The following ACYP2 variants were observed in gnomAD, a reference collection of about 807,000 sequenced individuals.
ACYP2 encodes acylphosphatase 2, also known as acylphosphatase-2.
Under a neutral mutation model 11.2 loss-of-function variants are expected in ACYP2, and 12 were observed. The ratio of observed to expected loss-of-function variants is 1.08; its 90% CI spans 0.69 to 1.74. The LOEUF (loss-of-function observed/expected upper bound fraction) is 1.74. ACYP2 is among the 40% of genes most tolerant of loss of function. The pLI, the probability that ACYP2 is intolerant of heterozygous loss-of-function variation, is 0.00. For missense variants in ACYP2, 134 were observed against 101.9 expected (o/e 1.31, Z -1.35); for synonymous variants, 43 against 32.2 (o/e 1.33, Z -1.13).
intron 6 of ACYP2, among the ~76,000 whole-genome samples, chr2:54,240,158 A>G (rs946283688): frequency 3.9e-5 from 6 of 152,220 alleles, no homozygotes; most frequent in Non-Finnish European, 7.3e-5. Context: ...GAAGGTGAGT[A>G]GCACTGAGAA....
chr2:54,232,508 C>T lies in ACYP2; in HGVS notation c.405-72180C>T, dbSNP rs1686280026. On this transcript the variant is annotated intron_variant, in intron 6 of 6. Transcript: ENST00000607452. ...AGGTTGTGGTCCATGTCACCCAAAT[C>T]GCATGGGCATCATGGAGCAGGAGGT... Among the ~76,000 whole-genome samples the T allele has an allele frequency of 6.6e-5, 10 of 152,258 alleles. 1 individual carries two copies. In the South Asian group the frequency reaches 1.9e-3, roughly 28 times the overall value.
At chr2:54,101,146 T>C (rs1050398582) in intron 4 of ACYP2, among the ~76,000 whole-genome samples, 3 of 152,104 alleles carry the variant, frequency 2.0e-5, no homozygotes, top group Non-Finnish European at 4.4e-5. Flanking sequence ...AGAGCTGCAT[T>C]TGAACCCCTG....
intron 6 of ACYP2, among the ~76,000 whole-genome samples, chr2:54,146,212 T>C (rs1427750082): frequency 6.6e-6 from 1 of 152,224 alleles, no homozygotes; most frequent in Non-Finnish European, 1.5e-5. Context: ...AGAGGTTTGA[T>C]GTCATTCGAA....
At chr2:54,125,235 T>C (rs1680414105) in intron 4 of ACYP2, among the ~76,000 whole-genome samples, 2 of 152,088 alleles carry the variant, frequency 1.3e-5, no homozygotes, top group Admixed American at 6.5e-5. Flanking sequence ...ATTTGACCAT[T>C]TATTTTTAAA....
chr2:54,112,534 C>G (rs1236198335), intron 4 of ACYP2, among the ~76,000 whole-genome samples: 1 of 152,122 alleles, frequency 6.6e-6, no homozygotes, highest in Non-Finnish European at 1.5e-5. Flanking sequence ...AAGCTACATG[C>G]ATAAATATTT....
chr2:53,972,687 G>T (rs1443771419), intron 1 of ACYP2, among the ~76,000 whole-genome samples: 1 of 152,236 alleles, frequency 6.6e-6, no homozygotes, highest in Non-Finnish European at 1.5e-5. Flanking sequence ...GACCCTTTAA[G>T]GTGTGACATA....
intron 2 of ACYP2, among the ~76,000 whole-genome samples, chr2:54,023,790 T>C (rs1439424447): frequency 6.6e-6 from 1 of 151,986 alleles, no homozygotes; most frequent in Non-Finnish European, 1.5e-5. Context: ...AGCAGCGAGA[T>C]TGAAATGGTA....
intron 6 of ACYP2, among the ~76,000 whole-genome samples, chr2:54,207,433 C>T (rs1199979007): frequency 6.6e-6 from 1 of 152,088 alleles, no homozygotes; most frequent in Non-Finnish European, 1.5e-5. Context: ...GGGTGACACC[C>T]ACCCACATTA....
intron 6 of ACYP2, among the ~76,000 whole-genome samples, chr2:54,303,485 T>G (rs1191906559): frequency 6.6e-6 from 1 of 152,230 alleles, no homozygotes; most frequent in Non-Finnish European, 1.5e-5. Context: ...TTCCTTTTCA[T>G]AAGAACTGAG....
chr2:54,091,366 A>G (rs555404019), intron 4 of ACYP2, among the ~76,000 whole-genome samples: 2 of 152,306 alleles, frequency 1.3e-5, no homozygotes, highest in Admixed American at 6.5e-5. Flanking sequence ...ATGTTGCAGC[A>G]TAAGCATTTT....
At chr2:54,185,568 T>C (rs999182157) in intron 6 of ACYP2, among the ~76,000 whole-genome samples, 6 of 152,180 alleles carry the variant, frequency 3.9e-5, no homozygotes, top group Non-Finnish European at 5.9e-5. Flanking sequence ...AAATTTAGAA[T>C]GAGGAATTAA....
At chr2:54,295,130 C>A (rs1689473299) in intron 6 of ACYP2, among the ~76,000 whole-genome samples, 1 of 152,034 alleles carries the variant, frequency 6.6e-6, no homozygotes, top group African/African-American at 2.4e-5. Flanking sequence ...GTAAGAATTA[C>A]CCCGAATTCT....
intron 2 of ACYP2, among the ~76,000 whole-genome samples, chr2:53,997,741 T>C (rs1347046938): frequency 1.3e-5 from 2 of 152,148 alleles, no homozygotes; most frequent in African/African-American, 4.8e-5. Context: ...AAGAGATAGA[T>C]GGGGAATAGA....
intron 6 of ACYP2, among the ~76,000 whole-genome samples, chr2:54,303,829 A>T (rs13407896): frequency 1.3e-5 from 2 of 152,306 alleles, no homozygotes; most frequent in Admixed American, 1.3e-4. Context: ...GATAACAGCC[A>T]TCATTTGTAT....
chr2:54,214,331 A>G (rs988161156), intron 6 of ACYP2, among the ~76,000 whole-genome samples: 1 of 152,092 alleles, frequency 6.6e-6, no homozygotes, highest in African/African-American at 2.4e-5. Context: ...TACGTCTAGA[A>G]TCTCATTTCC....
intron 6 of ACYP2, among the ~76,000 whole-genome samples, chr2:54,192,988 AT>A (rs1422741491): frequency 1.3e-5 from 2 of 152,328 alleles, no homozygotes; most frequent in South Asian, 2.1e-4. Context: ...TCAAGATGAG[AT>A]TTGGGTAGAG....
intron 4 of ACYP2, among the ~76,000 whole-genome samples, chr2:54,083,155 A>G (rs765417975): frequency 1.4e-4 from 21 of 152,296 alleles, no homozygotes; most frequent in Non-Finnish European, 2.4e-4. Flanking sequence ...ATGTGTTGTC[A>G]TGGCAACGGC....
At chr2:54,067,587 G>C (rs1426694798) in intron 4 of ACYP2, among the ~76,000 whole-genome samples, 3 of 152,200 alleles carry the variant, frequency 2.0e-5, no homozygotes, top group Non-Finnish European at 4.4e-5. Context: ...AAAAAGATGA[G>C]TTTTAGGTAT....
chr2:54,078,487 C>G (rs1286086704), intron 4 of ACYP2, among the ~76,000 whole-genome samples: 1 of 150,966 alleles, frequency 6.6e-6, no homozygotes, highest in East Asian at 2.0e-4. Context: ...TCATTGGAAG[C>G]TATCCTTGTA....
Sources: gnomAD v4.1 joint callset for allele counts (sites outside exome capture counted in the v4.1 genomes callset) on GRCh38, gnomAD v4.1.1 for gene constraint, MANE v1.5 for transcripts, NCBI Gene and HGNC (gene_info 2026-07-23, HGNC 2026-07-21) for gene names.